Variants in MTMR12 observed in about 807,000 individuals in gnomAD.
MTMR12 encodes myotubularin-related protein 12.
Under a neutral mutation model 96.7 loss-of-function variants are expected in MTMR12, and 33 were observed. The observed-to-expected ratio is 0.34, with a 90% CI of 0.26 to 0.46. The LOEUF (loss-of-function observed/expected upper bound fraction) is 0.46. Ranked by LOEUF, MTMR12 falls within the 20% of genes least tolerant of loss-of-function variation. The pLI, the probability that MTMR12 is intolerant of heterozygous loss-of-function variation, is 1.00. For synonymous variants in MTMR12, 298 were observed against 327.2 expected, an observed-to-expected ratio of 0.91 and a Z score of 0.96; for missense variants, 721 against 896.1, an observed-to-expected ratio of 0.80 and a Z score of 2.49.
chr5:32,282,062 T>C (rs1416753476), intron 1 of MTMR12, among the ~76,000 whole-genome samples: 1 of 151,974 alleles, frequency 6.6e-6, no homozygotes, highest in Non-Finnish European at 1.5e-5. Flanking sequence ...AGCACTGGAA[T>C]TTAAGGTGCC....
At position 32,312,545 on chromosome 5, in the gene MTMR12, C is replaced by T. The variant is rs1422282156; in HGVS notation, c.81+213G>A. Among the ~76,000 whole-genome samples, 1 of 152,160 alleles carries T rather than the reference C, an allele frequency of 6.6e-6. No homozygotes were observed. Among genetic ancestry groups the T allele is most frequent in the African/African-American group, 2.4e-5 (1 of 41,448 alleles). On this transcript the variant is annotated intron_variant, in intron 1 of 15. Transcript: ENST00000382142. The surrounding 1 kb of genome is among the most constrained non-coding windows in gnomAD (Gnocchi z 5.0). ...CAGCCTCCAGCGCTCGGGCCCTGCG[C>T]TCAGGCACCTGCCTGCCTGCGCCGG...
chr5:32,303,648 TG>T (rs1751231721), intron 1 of MTMR12, among the ~76,000 whole-genome samples: 1 of 152,132 alleles, frequency 6.6e-6, no homozygotes, highest in African/African-American at 2.4e-5. Flanking sequence ...GGCTTATCAA[TG>T]TTGCTGAATT....
intron 1 of MTMR12, among the ~76,000 whole-genome samples, chr5:32,289,762 C>T (rs913443486): frequency 4.6e-5 from 7 of 152,204 alleles, no homozygotes; most frequent in Admixed American, 2.0e-4. Context: ...GCAGAACCCC[C>T]ACATTCGTTC....
At position 32,286,643 on chromosome 5, in the gene MTMR12, C is replaced by T. The variant is rs542920753; in HGVS notation, c.82-9901G>A. ...AAAAGATTCTGTCTCTACACATCAT[C>T]TCATTTATTATTCAGAGCTTAGTTA... On this transcript the variant is annotated intron_variant, in intron 1 of 15. Transcript: ENST00000382142. 4.6e-5 allele frequency among the ~76,000 whole-genome samples: 7 copies of T among 152,298 alleles called. No individual in the cohort carries two copies. In the South Asian group the frequency reaches 1.5e-3, roughly 32 times the overall value.
At position 32,279,046 on chromosome 5, in the gene MTMR12, G is replaced by A. The variant is rs148459241; in HGVS notation, c.82-2304C>T. On this transcript the variant is annotated intron_variant, in intron 1 of 15. Coordinates refer to ENST00000382142, the MANE Select transcript of MTMR12 (RefSeq NM_001040446.3). ...AGCCGAGATTGTGCCTTTGCACTCC[G>A]GCCTGGGCAACAAGAGCGAAACTCT... is the stretch of plus-strand genomic sequence containing the variant. 4.3e-3 allele frequency among the ~76,000 whole-genome samples: 561 copies of A among 130,858 alleles called. 9 individuals carry two copies. The highest frequency in any genetic ancestry group is 0.016 in the African/African-American group (542 of 34,432). The allele number at this position is 130,858 out of a possible 152,430, so 85.8% of individuals were successfully genotyped here. A position where few individuals can be genotyped will look rare whatever the true frequency, so the allele number is the denominator to read the frequency against.
chr5:32,312,657 G>A lies in MTMR12; in HGVS notation c.81+101C>T. 1 of 1,133,472 alleles carries A rather than the reference G, an allele frequency of 8.8e-7. No homozygotes were observed. The highest frequency in any genetic ancestry group is 2.4e-5 in the South Asian group (1 of 40,902). 70.2% of individuals were successfully genotyped at this position (1,133,472 alleles called of 1,614,324 possible). On this transcript the variant is annotated intron_variant, in intron 1 of 15. Coordinates refer to ENST00000382142, the MANE Select transcript of MTMR12 (RefSeq NM_001040446.3). The surrounding 1 kb of genome is among the most constrained non-coding windows in gnomAD (Gnocchi z 5.0). ...TGCCCCGTCGCCCGGCACAAGGGCA[G>A]GAAGCGCTCCGCGGCGCTCCCCGCT...
chr5:32,252,086 A>G (rs559373977), intron 8 of MTMR12, among the ~76,000 whole-genome samples: 135 of 152,356 alleles, frequency 8.9e-4, no homozygotes, highest in Non-Finnish European at 1.5e-3. Context: ...TGAATAATCC[A>G]TAACAATATT....
At chr5:32,297,383 A>T (rs1750969211) in intron 1 of MTMR12, among the ~76,000 whole-genome samples, 1 of 152,158 alleles carries the variant, frequency 6.6e-6, no homozygotes, top group South Asian at 2.1e-4. Context: ...TTCCTATTAC[A>T]AAGTAATACC....
Position 32,228,114 on chromosome 5 carries a change from G to T in MTMR12, c.*1664C>A, listed in dbSNP as rs964149330. The stretch of plus-strand genomic sequence containing the variant: ...AGGCTCACGGGATCCTCCCACCTCA[G>T]CCTCCCGAGTAGCTGGGACTACAGG... On this transcript the variant is annotated 3_prime_UTR_variant, in exon 16 of 16. Coordinates refer to ENST00000382142, the MANE Select transcript of MTMR12 (RefSeq NM_001040446.3). 1 of 152,220 alleles carries T rather than the reference G, an allele frequency of 6.6e-6. No homozygotes were observed. The highest frequency in any genetic ancestry group is 2.4e-5 in the African/African-American group (1 of 41,422). The allele number at this position is 152,220 out of a possible 1,614,324, so 9.4% of individuals were successfully genotyped here.
chr5:32,265,316 C>A (rs1040184906), intron 6 of MTMR12, among the ~76,000 whole-genome samples: 3 of 152,144 alleles, frequency 2.0e-5, no homozygotes, highest in Admixed American at 2.0e-4. Flanking sequence ...TAATACATAT[C>A]CTGGGCCTCT....
intron 7 of MTMR12, 69 bp from the exon 8 acceptor site, chr5:32,255,837 A>T: frequency 7.6e-7 from 1 of 1,322,222 alleles, no homozygotes; most frequent in Middle Eastern, 1.8e-4. Flanking sequence ...GCTCAACTTC[A>T]ATGGATACGA....
chr5:32,272,460 A>G (rs1294709943), intron 3 of MTMR12, among the ~76,000 whole-genome samples: 1 of 151,200 alleles, frequency 6.6e-6, no homozygotes. Context: ...GCTCACTGCA[A>G]CCTCCACCTC....
At chr5:32,253,799 T>G (rs954411524) in intron 8 of MTMR12, among the ~76,000 whole-genome samples, 2 of 152,196 alleles carry the variant, frequency 1.3e-5, no homozygotes, top group Admixed American at 6.5e-5. Context: ...TTTTAAAAAA[T>G]TTTTTGTAGA....
chr5:32,281,035 G>A (rs1277558060), intron 1 of MTMR12, among the ~76,000 whole-genome samples: 1 of 151,542 alleles, frequency 6.6e-6, no homozygotes, highest in African/African-American at 2.4e-5. Flanking sequence ...ATCACTTGAG[G>A]CCAGGAGTTT....
intron 1 of MTMR12, among the ~76,000 whole-genome samples, chr5:32,301,108 A>C (rs943619111): frequency 6.6e-6 from 1 of 152,130 alleles, no homozygotes; most frequent in Non-Finnish European, 1.5e-5. Flanking sequence ...AGGGCAAGTG[A>C]ACTTGAAGCT....
At chr5:32,297,496 G>C (rs550762061) in intron 1 of MTMR12, among the ~76,000 whole-genome samples, 1 of 151,814 alleles carries the variant, frequency 6.6e-6, no homozygotes, top group South Asian at 2.1e-4. Context: ...TTATTCACTT[G>C]GCCATTCTAA....
intron 1 of MTMR12, among the ~76,000 whole-genome samples, chr5:32,283,877 T>C (rs1750407298): frequency 1.3e-5 from 2 of 152,182 alleles, no homozygotes; most frequent in African/African-American, 4.8e-5. Flanking sequence ...CTCACTCCAC[T>C]GGGTCCTCTG....
chr5:32,289,108 C>T (rs569164520), intron 1 of MTMR12, among the ~76,000 whole-genome samples: 7 of 152,170 alleles, frequency 4.6e-5, no homozygotes, highest in Non-Finnish European at 1.0e-4. Flanking sequence ...ACTCAACTGT[C>T]AAAGACAAGG....
In MTMR12 at chr5:32,268,690, A is replaced by G. The variant is rs1749704132; in HGVS notation, c.583+11T>C. 4 of 1,608,524 alleles carry G rather than the reference A, an allele frequency of 2.5e-6. No individual in the cohort carries two copies. The highest frequency in any genetic ancestry group is 3.4e-6 in the Non-Finnish European group (4 of 1,174,912). On this transcript the variant is annotated intron_variant, in intron 6 of 15. Transcript: ENST00000382142. ...TGCTTACCCTCAAATTAGAACCCAGAAGATATTTACCTGTATTGTTTTGTG... is the reference window on the plus strand; with the variant it reads ...TGCTTACCCTCAAATTAGAACCCAGGAGATATTTACCTGTATTGTTTTGTG...
Sources: allele counts gnomAD v4.1 joint callset (sites outside exome capture counted in the v4.1 genomes callset), GRCh38; gene constraint gnomAD v4.1.1; non-coding constraint Gnocchi (gnomAD v3.1); transcripts MANE v1.5; gene names NCBI Gene and HGNC (gene_info 2026-07-23, HGNC 2026-07-21).